PDZD2: variants seen among roughly 807,000 people sequenced by gnomAD.
PDZD2 encodes the protein PDZ domain containing 2.
Under a neutral mutation model 220.7 loss-of-function variants are expected in PDZD2, and 90 were observed. The ratio of observed to expected loss-of-function variants is 0.41; its 90% CI spans 0.34 to 0.49. The LOEUF (loss-of-function observed/expected upper bound fraction) is 0.49, where lower values mean the gene tolerates loss of function less well. PDZD2 is among the 20% of genes least tolerant of loss of function. The pLI is 0.28. For missense variants in PDZD2, 3,174 were observed against 3,608.5 expected, an observed-to-expected ratio of 0.88 and a Z score of 3.08; for synonymous variants, 1,375 against 1,450.5, an observed-to-expected ratio of 0.95 and a Z score of 1.18.
chr5:31,764,739 G>A (rs566026791), intron 1 of PDZD2, among the ~76,000 whole-genome samples: 5 of 152,276 alleles, frequency 3.3e-5, no homozygotes, highest in Admixed American at 1.3e-4. Context: ...CTGATGCCCA[G>A]TTTTCCTGAA....
chr5:31,773,255 C>T (rs1752438270), intron 1 of PDZD2, among the ~76,000 whole-genome samples: 1 of 152,188 alleles, frequency 6.6e-6, no homozygotes, highest in Non-Finnish European at 1.5e-5. Flanking sequence ...CAAAAAAGCT[C>T]CTAGACTTAT....
chr5:31,756,635 A>G (rs540801217), intron 1 of PDZD2, among the ~76,000 whole-genome samples: 76 of 152,338 alleles, frequency 5.0e-4, no homozygotes, highest in Non-Finnish European at 1.0e-3. Flanking sequence ...CACAGAGTGA[A>G]CAGGGGGATG....
chr5:32,035,655 C>A (rs1755479230), intron 6 of PDZD2, among the ~76,000 whole-genome samples: 1 of 151,798 alleles, frequency 6.6e-6, no homozygotes, highest in African/African-American at 2.4e-5. Context: ...ATTTAATATA[C>A]AACATATAAT....
At position 32,078,204 on chromosome 5, in the gene PDZD2, G is replaced by A. The variant is rs142977334; in HGVS notation, c.3682+598G>A. On this transcript the variant is annotated intron_variant, in intron 19 of 24. Transcript: ENST00000438447. ...CCACCCATCAAAATCACAGCACTCT[G>A]CCTACGTGAAATCAAATGCACTGAG... is the stretch of plus-strand genomic sequence containing the variant. Among the ~76,000 whole-genome samples the A allele has an allele frequency of 4.6e-4, 70 of 152,238 alleles. No homozygotes were observed. The East Asian group carries it at 0.012, about 25-fold the overall frequency.
At chr5:31,840,293 TTGAC>T (rs1302832098) in intron 2 of PDZD2, among the ~76,000 whole-genome samples, 21 of 150,982 alleles carry the variant, frequency 1.4e-4, no homozygotes, top group African/African-American at 4.9e-4. Context: ...GAAGGTTTCT[TTGAC>T]TGGGGGGGAA....
intron 2 of PDZD2, among the ~76,000 whole-genome samples, chr5:31,982,335 TCTCA>T (rs1341692366): frequency 2.0e-5 from 3 of 152,192 alleles, no homozygotes; most frequent in African/African-American, 7.2e-5. Context: ...GGAGACAGGG[TCTCA>T]CTCTGTCACC....
chr5:31,717,527 C>T (rs536868793), intron 1 of PDZD2, among the ~76,000 whole-genome samples: 5 of 152,268 alleles, frequency 3.3e-5, no homozygotes, highest in East Asian at 1.9e-4. Flanking sequence ...CTTAGCACCT[C>T]GCTTGTCCCT....
chr5:31,974,405 G>A (rs1008607181), intron 2 of PDZD2, among the ~76,000 whole-genome samples: 2 of 152,114 alleles, frequency 1.3e-5, no homozygotes, highest in African/African-American at 2.4e-5. Context: ...TTTAAGATGC[G>A]TATTGGTTTA....
At chr5:31,770,432 T>C (rs144290969) in intron 1 of PDZD2, among the ~76,000 whole-genome samples, 5 of 152,294 alleles carry the variant, frequency 3.3e-5, no homozygotes, top group Admixed American at 1.3e-4. Context: ...AGAGAGTATT[T>C]GGAGGGCTTG....
At chr5:31,674,715 A>C (rs1056782670) in intron 1 of PDZD2, among the ~76,000 whole-genome samples, 4 of 152,226 alleles carry the variant, frequency 2.6e-5, no homozygotes, top group Admixed American at 1.3e-4. Flanking sequence ...TGGAGAGGGA[A>C]CAAGTCTGGG....
chr5:31,920,293 T>A (rs751206066), intron 2 of PDZD2, among the ~76,000 whole-genome samples: 44 of 83,932 alleles, frequency 5.2e-4, no homozygotes, highest in Admixed American at 1.3e-3. Flanking sequence ...CAAAAATAAA[T>A]AAAAATAAAT....
Position 32,090,542 on chromosome 5 carries a change from C to T in PDZD2, c.7094C>T (p.Ser2365Phe). 1 of 1,613,926 alleles carries T rather than the reference C, an allele frequency of 6.2e-7. No individual in the cohort carries two copies. The highest frequency in any genetic ancestry group is 2.2e-5 in the East Asian group (1 of 44,884). The change falls in exon 20 of 25, where the codon TCC becomes TTC. Residue 2365 changes from serine (S) to phenylalanine (F), a missense_variant. Transcript: ENST00000438447. This position sits in a 1 kb window ranked among gnomAD's most constrained non-coding sequence, Gnocchi z 4.3. Reference sequence around the variant, plus strand: ...GCTTCCCCATTTTTGTCGGTGAGCTCCAAGCCTCCCATTGGGAGGCGGTCT... The same window carrying T: ...GCTTCCCCATTTTTGTCGGTGAGCTTCAAGCCTCCCATTGGGAGGCGGTCT... ...SGASPFLSVS[S>F]KPPIGRRSSG...
intron 1 of PDZD2, among the ~76,000 whole-genome samples, chr5:31,728,777 C>T (rs564178145): frequency 2.6e-5 from 4 of 152,306 alleles, no homozygotes; most frequent in Admixed American, 2.6e-4. Context: ...CTATTTTATG[C>T]ATCATTATTG....
chr5:32,024,900 T>A (rs1754511125), intron 6 of PDZD2, among the ~76,000 whole-genome samples: 1 of 152,188 alleles, frequency 6.6e-6, no homozygotes, highest in South Asian at 2.1e-4. Flanking sequence ...TAAATGGGCA[T>A]GACTGTGTTC....
chr5:31,758,266 GT>G (rs1329438897), intron 1 of PDZD2, among the ~76,000 whole-genome samples: 3 of 152,234 alleles, frequency 2.0e-5, no homozygotes, highest in Non-Finnish European at 4.4e-5. Context: ...ATCTTGTTCA[GT>G]CCATGAATGC....
chr5:32,101,937 T>C (rs1744291368), intron 24 of PDZD2, among the ~76,000 whole-genome samples: 1 of 152,188 alleles, frequency 6.6e-6, no homozygotes. Flanking sequence ...CAGAAACCCA[T>C]TTAAAGTTAC....
chr5:31,800,984 C>T (rs1364640095), intron 2 of PDZD2, among the ~76,000 whole-genome samples: 1 of 152,172 alleles, frequency 6.6e-6, no homozygotes, highest in Non-Finnish European at 1.5e-5. Flanking sequence ...GTCAGAGCCT[C>T]CCATCAGTGG....
intron 1 of PDZD2, among the ~76,000 whole-genome samples, chr5:31,783,969 C>T (rs1205040632): frequency 6.6e-6 from 1 of 152,186 alleles, no homozygotes; most frequent in Non-Finnish European, 1.5e-5. Context: ...TCTCCGGTCC[C>T]CTCTCAATCT....
chr5:31,643,668 C>T (rs1745030048), intron 1 of PDZD2, among the ~76,000 whole-genome samples: 1 of 152,168 alleles, frequency 6.6e-6, no homozygotes, highest in South Asian at 2.1e-4. Flanking sequence ...TAAAAATCTG[C>T]AATCCCCCTT....
Sources: gnomAD v4.1 joint callset for allele counts (sites outside exome capture counted in the v4.1 genomes callset) on GRCh38, gnomAD v4.1.1 for gene constraint, Gnocchi (gnomAD v3.1) non-coding constraint, MANE v1.5 for transcripts, NCBI Gene and HGNC (gene_info 2026-07-23, HGNC 2026-07-21) for gene names.